VPS13B: variants seen among roughly 807,000 people sequenced by gnomAD.
The protein encoded by VPS13B is intermembrane lipid transfer protein VPS13B.
Under a neutral mutation model 426.4 loss-of-function variants are expected in VPS13B, and 285 were observed. That is an observed-to-expected ratio of 0.67 (90% CI 0.61 to 0.74). VPS13B has a LOEUF of 0.74. Ranked by LOEUF, VPS13B falls within the 30% of genes least tolerant of loss-of-function variation. The pLI, the probability that VPS13B is intolerant of heterozygous loss-of-function variation, is 0.00. For synonymous variants in VPS13B, 1,676 were observed against 1,676.4 expected (o/e 1.00, Z 0.01); for missense variants, 4,537 against 4,782.6 (o/e 0.95, Z 1.51).
At chr8:99,692,491 C>T (rs1831725422) in intron 35 of VPS13B, among the ~76,000 whole-genome samples, 1 of 149,424 alleles carries the variant, frequency 6.7e-6, no homozygotes, top group East Asian at 1.9e-4. Flanking sequence ...TTCTTTGAAA[C>T]CAGTGAGAAC....
chr8:99,394,394 A>C (rs1240032266), intron 21 of VPS13B, among the ~76,000 whole-genome samples: 1 of 152,122 alleles, frequency 6.6e-6, no homozygotes, highest in Non-Finnish European at 1.5e-5. Context: ...TCCTCTTCCA[A>C]ACTCAGCCAA....
intron 19 of VPS13B, among the ~76,000 whole-genome samples, chr8:99,320,538 A>G (rs1211009564): frequency 6.6e-6 from 1 of 152,202 alleles, no homozygotes; most frequent in Non-Finnish European, 1.5e-5. Flanking sequence ...CAAACCATTT[A>G]CTAATGTAAG....
rs747547095 is a variant in VPS13B, at chr8:99,642,440, G to A, written c.5850G>A (p.Val1950=). The A allele has an allele frequency of 8.1e-6, 13 of 1,613,880 alleles. No homozygotes were observed. Among genetic ancestry groups the A allele is most frequent in the African/African-American group, 1.3e-5 (1 of 74,890 alleles). ...GTTGTCACCACAGAAAGCAGCGAGT[G>A]GAAGTATCCATTTTTGATGCTGTGC... ...LLSCHHRKQR[V]EVSIFDAVLK... The change falls in exon 34 of 62, where the codon GTG becomes GTA. Residue 1950 remains valine (V), a synonymous_variant. Transcript: ENST00000357162.
At chr8:99,562,496 G>A (rs146380302) in intron 31 of VPS13B, among the ~76,000 whole-genome samples, 7 of 152,188 alleles carry the variant, frequency 4.6e-5, no homozygotes, top group African/African-American at 1.4e-4. Flanking sequence ...GGCCAGGCTG[G>A]CCTCGAACTT....
chr8:99,160,127 C>T (rs946624525), intron 15 of VPS13B, among the ~76,000 whole-genome samples: 15 of 151,968 alleles, frequency 9.9e-5, no homozygotes, highest in African/African-American at 3.4e-4. Flanking sequence ...CTTGCAGTAT[C>T]TCCTGGGTAT....
chr8:99,143,225 C>T, intron 13 of VPS13B, 60 bp downstream of exon 13: 1 of 1,603,662 alleles, frequency 6.2e-7, no homozygotes, highest in Non-Finnish European at 8.5e-7. Flanking sequence ...ATTATATAAT[C>T]CAATTTGTGT....
At chr8:99,110,553 A>C (rs551245926) in intron 5 of VPS13B, among the ~76,000 whole-genome samples, 2 of 152,170 alleles carry the variant, frequency 1.3e-5, no homozygotes, top group East Asian at 3.9e-4. Context: ...GCTGTTGAGC[A>C]CTTGAAATAT....
chr8:99,054,534 A>G (rs1032068411), intron 3 of VPS13B, among the ~76,000 whole-genome samples: 2 of 152,208 alleles, frequency 1.3e-5, no homozygotes, highest in Non-Finnish European at 2.9e-5. Flanking sequence ...TTGAGAATGT[A>G]TTTTGATGCA....
intron 39 of VPS13B, among the ~76,000 whole-genome samples, chr8:99,742,075 T>A (rs769056332): frequency 1.0e-3 from 152 of 152,234 alleles, no homozygotes; most frequent in Non-Finnish European, 2.5e-4. Context: ...GATAGACCAC[T>A]AGCAAGACTA....
chr8:99,817,226 G>C (rs1448992873), intron 44 of VPS13B, among the ~76,000 whole-genome samples: 2 of 151,464 alleles, frequency 1.3e-5, no homozygotes, highest in East Asian at 3.9e-4. Flanking sequence ...TCTTCTGCTT[G>C]TGCATGTTTG....
intron 35 of VPS13B, among the ~76,000 whole-genome samples, chr8:99,684,401 A>T (rs1831287990): frequency 6.6e-6 from 1 of 152,216 alleles, no homozygotes; most frequent in South Asian, 2.1e-4. Context: ...AGATTTCCCT[A>T]GTCCCTCTGA....
At chr8:99,640,066 G>GAAGAAGAA (rs1563838997) in intron 33 of VPS13B, among the ~76,000 whole-genome samples, 4 of 124,192 alleles carry the variant, frequency 3.2e-5, no homozygotes, top group African/African-American at 1.2e-4. Flanking sequence ...GAAAAGAAAA[G>GAAGAAGAA]AAAAGAAAAG....
chr8:99,138,417 G>A (rs928327351), intron 12 of VPS13B, among the ~76,000 whole-genome samples: 5 of 152,160 alleles, frequency 3.3e-5, no homozygotes, highest in South Asian at 2.1e-4. Flanking sequence ...GTGAGCCACC[G>A]CACTCAGCCA....
chr8:99,374,842 T>C (rs1438673410), intron 19 of VPS13B, among the ~76,000 whole-genome samples: 1 of 152,220 alleles, frequency 6.6e-6, no homozygotes, highest in Non-Finnish European at 1.5e-5. Context: ...TTCTGCTTAG[T>C]TCTCCTGATA....
chr8:99,121,631 C>G (rs1212242957), intron 8 of VPS13B, 186 bp downstream of exon 8: 1 of 1,403,506 alleles, frequency 7.1e-7, no homozygotes. Flanking sequence ...TGATCCCTTC[C>G]TGTCTTCTTA....
At chr8:99,269,968 T>TA (rs558094068) in intron 17 of VPS13B, among the ~76,000 whole-genome samples, 1 of 151,894 alleles carries the variant, frequency 6.6e-6, no homozygotes, top group Non-Finnish European at 1.5e-5. Flanking sequence ...AATTACTTTA[T>TA]AAAAAACTTT....
At chr8:99,360,188 TTCTCTCTC>T (rs778981940) in intron 19 of VPS13B, among the ~76,000 whole-genome samples, 4 of 28,030 alleles carry the variant, frequency 1.4e-4, no homozygotes, top group Admixed American at 3.5e-4. Flanking sequence ...CTTTCTTTCT[TTCTCTCTC>T]TCTCTCTCTC....
At chr8:99,327,723 AAC>A (rs1261951952) in intron 19 of VPS13B, among the ~76,000 whole-genome samples, 1 of 152,188 alleles carries the variant, frequency 6.6e-6, no homozygotes, top group Non-Finnish European at 1.5e-5. Context: ...CTATGTTTAT[AAC>A]ACATTTTATG....
At chr8:99,514,254 G>T (rs1431498456) in intron 29 of VPS13B, among the ~76,000 whole-genome samples, 1 of 152,050 alleles carries the variant, frequency 6.6e-6, no homozygotes, top group African/African-American at 2.4e-5. Flanking sequence ...AGTTTTCATT[G>T]TTAATTTGGA....
Sources: gnomAD v4.1 joint callset for allele counts (sites outside exome capture counted in the v4.1 genomes callset) on GRCh38, gnomAD v4.1.1 for gene constraint, MANE v1.5 for transcripts, NCBI Gene and HGNC (gene_info 2026-07-23, HGNC 2026-07-21) for gene names.